Variants in RBPJ observed in about 807,000 individuals in gnomAD.
The protein encoded by RBPJ is recombining binding protein suppressor of hairless.
In RBPJ, 9 loss-of-function variants were observed where a neutral mutation model predicts 67.8. The ratio of observed to expected loss-of-function variants is 0.13; its 90% confidence interval spans 0.08 to 0.23. The LOEUF (loss-of-function observed/expected upper bound fraction) is 0.23. Ranked by LOEUF, RBPJ falls within the 10% of genes least tolerant of loss-of-function variation. The pLI, the probability that RBPJ is intolerant of heterozygous loss-of-function variation, is 1.00. For synonymous variants in RBPJ, 198 were observed against 203.3 expected, an observed-to-expected ratio of 0.97 and a Z score of 0.22; for missense variants, 305 against 595.6, an observed-to-expected ratio of 0.51 and a Z score of 5.08.
At chr4:26,386,849 GA>G (rs1730967269) in intron 2 of RBPJ, among the ~76,000 whole-genome samples, 1 of 152,116 alleles carries the variant, frequency 6.6e-6, no homozygotes, top group African/African-American at 2.4e-5. Flanking sequence ...TATGAATGTT[GA>G]AAGTATTGGT....
At chr4:26,244,370 T>G (rs1719824677) in intron 1 of RBPJ, among the ~76,000 whole-genome samples, 1 of 151,406 alleles carries the variant, frequency 6.6e-6, no homozygotes, top group South Asian at 2.1e-4. Context: ...TATGCACATA[T>G]GTGTACACGT....
chr4:26,375,344 A>C (rs1385148106), intron 1 of RBPJ, among the ~76,000 whole-genome samples: 2 of 151,886 alleles, frequency 1.3e-5, no homozygotes, highest in South Asian at 4.2e-4. Flanking sequence ...TACGCATGCA[A>C]AGTATGTAAT....
At chr4:26,234,939 A>G (rs1719408321) in intron 1 of RBPJ, among the ~76,000 whole-genome samples, 1 of 152,002 alleles carries the variant, frequency 6.6e-6, no homozygotes, top group Non-Finnish European at 1.5e-5. Context: ...GTGATCGCCC[A>G]CCTCGGCCTC....
chr4:26,169,108 T>C (rs535057934), intron 1 of RBPJ, among the ~76,000 whole-genome samples: 23 of 152,258 alleles, frequency 1.5e-4, no homozygotes, highest in Admixed American at 2.6e-4. Context: ...GTTATGTTGC[T>C]GGTGAGGAAC....
chr4:26,119,845 A>G, the RBPJ span, among the ~76,000 whole-genome samples: 1 of 152,250 alleles, frequency 6.6e-6, no homozygotes, highest in East Asian at 1.9e-4. Flanking sequence ...AAAATGGCTG[A>G]GAGTTACAAG....
the RBPJ span, among the ~76,000 whole-genome samples, chr4:26,149,947 T>C: frequency 6.6e-6 from 1 of 152,206 alleles, no homozygotes; most frequent in African/African-American, 2.4e-5. Context: ...AGAATTTACG[T>C]TTCTTAGCCT....
chr4:26,194,801 C>G (rs929054475), intron 1 of RBPJ, among the ~76,000 whole-genome samples: 2 of 152,210 alleles, frequency 1.3e-5, no homozygotes, highest in African/African-American at 4.8e-5. Context: ...AAATGTCTCC[C>G]TCAGAGAGTG....
chr4:26,377,996 G>A (rs890006467), intron 1 of RBPJ, among the ~76,000 whole-genome samples: 4 of 151,998 alleles, frequency 2.6e-5, no homozygotes, highest in Admixed American at 6.6e-5. Flanking sequence ...TATACACTGC[G>A]GAAGGGGAGA....
chr4:26,109,666 CTCTA>C, the RBPJ span, among the ~76,000 whole-genome samples: 1 of 47,048 alleles, frequency 2.1e-5, no homozygotes, highest in Non-Finnish European at 4.1e-5. Context: ...CTCTCTCTCT[CTCTA>C]TATATATATA....
At chr4:26,343,560 T>TG (rs1299775049) in intron 1 of RBPJ, among the ~76,000 whole-genome samples, 1 of 151,902 alleles carries the variant, frequency 6.6e-6, no homozygotes, top group Non-Finnish European at 1.5e-5. Flanking sequence ...TTATTGTTTT[T>TG]TTTTTGAGAT....
rs1426095923 is a variant in RBPJ, at chr4:26,264,075, C to G, written c.-166-98371C>G. On this transcript the variant is annotated intron_variant, in intron 1 of 4. Transcript: ENST00000512351. The surrounding 1 kb of genome is among the most constrained non-coding windows in gnomAD (Gnocchi z 4.1). ...TTTTTTTAGTAGAGACGGGGTTTCA[C>G]TATGTTGGCCAGGCTGCAGGCTGGT... Among the ~76,000 whole-genome samples, 1 of 151,168 alleles carries G rather than the reference C, an allele frequency of 6.6e-6. No homozygotes were observed. Among genetic ancestry groups the G allele is most frequent in the Admixed American group, 6.6e-5 (1 of 15,158 alleles).
At chr4:26,218,943 A>T (rs1718811166) in intron 1 of RBPJ, among the ~76,000 whole-genome samples, 1 of 152,220 alleles carries the variant, frequency 6.6e-6, no homozygotes, top group Non-Finnish European at 1.5e-5. Flanking sequence ...CAAGAGACAC[A>T]GACCTAGGGT....
intron 2 of RBPJ, among the ~76,000 whole-genome samples, chr4:26,405,513 T>G (rs1269726799): frequency 6.6e-6 from 1 of 152,188 alleles, no homozygotes; most frequent in Non-Finnish European, 1.5e-5. Context: ...TCAATAAATA[T>G]GTAGAGTTGT....
chr4:26,274,924 G>A (rs1721028865), intron 1 of RBPJ, among the ~76,000 whole-genome samples: 4 of 151,792 alleles, frequency 2.6e-5, no homozygotes, highest in East Asian at 1.9e-4. Context: ...GTGACAGAGC[G>A]AGACACCGTC....
At chr4:26,234,164 T>C (rs1238302931) in intron 1 of RBPJ, among the ~76,000 whole-genome samples, 1 of 152,246 alleles carries the variant, frequency 6.6e-6, no homozygotes, top group Non-Finnish European at 1.5e-5. Context: ...TACAGCTAGA[T>C]GTTGGTTTGT....
chr4:26,424,877 A>G lies in RBPJ; in HGVS notation c.747+134A>G, dbSNP rs928756431. ...AATTTTAAAAGGTATGTTAGTAATC[A>G]GTGCTGTTTATAATTGACAGTTATG... On this transcript the variant is annotated intron_variant, in intron 7 of 10. Coordinates refer to ENST00000355476, the MANE Select transcript of RBPJ (RefSeq NM_015874.6). This position sits in a 1 kb window ranked among gnomAD's most constrained non-coding sequence, Gnocchi z 5.3. The G allele has an allele frequency of 1.2e-4, 68 of 588,402 alleles. 1 individual carries two copies. The South Asian group carries it at 1.6e-3, about 14-fold the overall frequency. The allele number at this position is 588,402 out of a possible 1,614,324, so 36.4% of individuals were successfully genotyped here.
chr4:26,398,406 G>A (rs1025374945), intron 2 of RBPJ, among the ~76,000 whole-genome samples: 3 of 152,164 alleles, frequency 2.0e-5, no homozygotes, highest in Non-Finnish European at 2.9e-5. Flanking sequence ...CAAACTCACC[G>A]CTATAATTAA....
At chr4:26,425,294 A>G (rs1028103720) in intron 7 of RBPJ, among the ~76,000 whole-genome samples, 2 of 152,174 alleles carry the variant, frequency 1.3e-5, no homozygotes, top group Non-Finnish European at 2.9e-5. Flanking sequence ...AATAGAAGAC[A>G]TTGAAACTCG....
intron 1 of RBPJ, among the ~76,000 whole-genome samples, chr4:26,249,587 G>C (rs939056120): frequency 6.6e-6 from 1 of 151,834 alleles, no homozygotes; most frequent in Non-Finnish European, 1.5e-5. Flanking sequence ...CTTGAACCTG[G>C]GAGGCAGAGA....
Sources: allele counts gnomAD v4.1 joint callset (sites outside exome capture counted in the v4.1 genomes callset), GRCh38; gene constraint gnomAD v4.1.1; non-coding constraint Gnocchi (gnomAD v3.1); transcripts MANE v1.5; gene names NCBI Gene and HGNC (gene_info 2026-07-23, HGNC 2026-07-21).